The following PAIP1 variants were observed in gnomAD, a reference collection of about 807,000 sequenced individuals.
PAIP1 encodes polyadenylate-binding protein-interacting protein 1.
A neutral mutation model predicts 61.3 loss-of-function variants in PAIP1; 16 were observed. That is an observed-to-expected ratio of 0.26 (90% CI 0.18 to 0.40). PAIP1 has a LOEUF of 0.40. PAIP1 is among the 10% of genes least tolerant of loss of function. The probability of loss-of-function intolerance (pLI) is 1.00; values close to 1 mark genes in which losing one functional copy is unlikely to be tolerated. For missense variants in PAIP1, 416 were observed against 600.9 expected (o/e 0.69, Z 3.22); for synonymous variants, 187 against 226.2 (o/e 0.83, Z 1.56).
chr5:43,557,137 AGCGGCCCCCT>A (rs1748133053), upstream of PAIP1: 2 of 361,240 alleles, frequency 5.5e-6, no homozygotes, highest in Non-Finnish European at 9.1e-6. Context: ...GGCGGGTCAC[AGCGGCCCCCT>A]GCGGCCCGGA....
rs776154087 is a variant in PAIP1 at position 43,534,893 on chromosome 5, T to C, written c.1157A>G (p.Tyr386Cys). 2 of 1,602,172 alleles carry C rather than the reference T, an allele frequency of 1.2e-6. No homozygotes were observed. The highest frequency in any genetic ancestry group is 2.2e-5 in the East Asian group (1 of 44,820). The change falls in exon 8 of 11, where the codon TAT (tyrosine) becomes TGT (cysteine). Residue 386 changes from tyrosine to cysteine, a missense_variant. By Grantham distance (194) the Tyr-to-Cys change is radical. Around this residue, in one of 4 missense-constraint regions of PAIP1, gnomAD observed 135 missense variants for 283.9 expected, o/e 0.48. Transcript: ENST00000306846. ...ATCATTTTCTGGTGTTGCTTCTCTA[T>C]ATGTTGAAGTTGCATGGACTCTGCC... ...NWGRVHATST[Y>C]REATPENDPN...
At chr5:43,532,500 T>C (rs976331505) in intron 9 of PAIP1, among the ~76,000 whole-genome samples, 1 of 152,170 alleles carries the variant, frequency 6.6e-6, no homozygotes, top group Non-Finnish European at 1.5e-5. Context: ...TCATCCTATA[T>C]AAAAATTGCA....
chr5:43,540,362 C>T (rs1054838662), intron 4 of PAIP1, among the ~76,000 whole-genome samples: 3 of 150,410 alleles, frequency 2.0e-5, no homozygotes, highest in East Asian at 2.0e-4. Context: ...TCTGTTACAA[C>T]TTTGTCGGTA....
intron 2 of PAIP1, among the ~76,000 whole-genome samples, chr5:43,554,851 T>C (rs73751746): frequency 6.6e-6 from 1 of 152,218 alleles, no homozygotes; most frequent in African/African-American, 2.4e-5. Flanking sequence ...AATAAAGGCA[T>C]ACAGCCAGCA....
At chr5:43,539,339 G>C (rs1484364493) in intron 4 of PAIP1, among the ~76,000 whole-genome samples, 6 of 152,026 alleles carry the variant, frequency 3.9e-5, no homozygotes, top group Non-Finnish European at 8.8e-5. Context: ...CCAAAGAGGG[G>C]AGAGAGAGCC....
chr5:43,535,834 A>T (rs1484378230), intron 6 of PAIP1, among the ~76,000 whole-genome samples, 194 bp from the exon 7 acceptor site: 1 of 151,994 alleles, frequency 6.6e-6, no homozygotes, highest in Non-Finnish European at 1.5e-5. Flanking sequence ...GAGAGAAACT[A>T]AAACAAAAAA....
intron 4 of PAIP1, among the ~76,000 whole-genome samples, chr5:43,541,673 C>CCG: frequency 1.6e-5 from 1 of 63,498 alleles, no homozygotes; most frequent in Non-Finnish European, 3.6e-5. Context: ...GCTTTGCAAT[C>CCG]ATTAAAAGTC....
intron 5 of PAIP1, among the ~76,000 whole-genome samples, chr5:43,538,259 G>A (rs1747237146): frequency 6.6e-6 from 1 of 151,998 alleles, no homozygotes; most frequent in South Asian, 2.1e-4. Context: ...CATTTAGGGG[G>A]AATAAGTTCA....
At chr5:43,534,822 A>G (rs1207858201) in intron 8 of PAIP1, 31 bp downstream of exon 8, 1 of 1,152,952 alleles carries the variant, frequency 8.7e-7, no homozygotes, top group South Asian at 1.2e-5. Flanking sequence ...TCAAGCAATA[A>G]GTAAAACTTA....
rs1746732678 is a variant in PAIP1, at chr5:43,526,909, CAAG to C, written c.*464_*466del. ...CCAAGACTTTAGTGCTAAAGATTTT[CAAG>C]ATTATGATTCATATTTGAAATTCAA... On this transcript the variant is annotated 3_prime_UTR_variant, in exon 11 of 11. Coordinates refer to ENST00000306846, the MANE Select transcript of PAIP1 (RefSeq NM_006451.5). The C allele has an allele frequency of 6.6e-6, 1 of 150,906 alleles. No homozygotes were observed. The highest frequency in any genetic ancestry group is 1.5e-5 in the Non-Finnish European group (1 of 67,510). The allele number at this position is 150,906 out of a possible 1,614,324, so 9.3% of individuals were successfully genotyped here.
At position 43,535,778 on chromosome 5, in the gene PAIP1, C is replaced by T. The variant is rs997659516; in HGVS notation, c.973-138G>A. On this transcript the variant is annotated intron_variant, in intron 6 of 10. Coordinates refer to ENST00000306846, the MANE Select transcript of PAIP1 (RefSeq NM_006451.5). Reference sequence around the variant, plus strand: ...TAATATTCCTAATTATTCTGTCTACCATCTAATATTCAGTGATCTCTACGC... The same window carrying T: ...TAATATTCCTAATTATTCTGTCTACTATCTAATATTCAGTGATCTCTACGC... 8 of 603,040 alleles carry T rather than the reference C, an allele frequency of 1.3e-5. No homozygotes were observed. In the African/African-American group the frequency reaches 1.5e-4, roughly 11 times the overall value. 37.4% of individuals were successfully genotyped at this position (603,040 alleles called of 1,614,324 possible). A position where few individuals can be genotyped will look rare whatever the true frequency, so the allele number is the denominator to read the frequency against.
chr5:43,539,452 TACACACACACACACAC>T (rs34509892), intron 4 of PAIP1, among the ~76,000 whole-genome samples: 12 of 148,578 alleles, frequency 8.1e-5, no homozygotes, highest in African/African-American at 2.0e-4. Context: ...GATCTTTAAA[TACACACACACACACAC>T]ACACACACAC....
chr5:43,536,942 G>A lies in PAIP1; in HGVS notation c.849C>T (p.Ile283=). 6.4e-7 allele frequency: 1 copy of A among 1,563,164 alleles called. No individual in the cohort carries two copies. Among genetic ancestry groups the A allele is most frequent in the South Asian group, 1.2e-5 (1 of 82,856 alleles). ...TTGTAACCTGTCCATTTGTTCCCTT[G>A]ATCTTTCGGGACCAAAAAAAAGAAC... is the stretch of plus-strand genomic sequence containing the variant. The part of the protein sequence containing the change: ...FLGELYLNLE[I]KGTNGQVTRA... The change falls in exon 6 of 11, where the codon ATC becomes ATT. Residue 283 remains isoleucine, a splice_region_variant and synonymous_variant. Transcript: ENST00000306846.
intron 2 of PAIP1, among the ~76,000 whole-genome samples, chr5:43,553,153 G>A (rs2111600181): frequency 6.6e-6 from 1 of 152,276 alleles, no homozygotes; most frequent in Admixed American, 6.5e-5. Context: ...TAAGTGAACT[G>A]TGACAAATAT....
At chr5:43,541,225 C>A in intron 4 of PAIP1, among the ~76,000 whole-genome samples, 3 of 137,072 alleles carry the variant, frequency 2.2e-5, no homozygotes, top group Non-Finnish European at 3.1e-5. Context: ...CCCGGGTTCA[C>A]GCCATTCTCC....
intron 9 of PAIP1, among the ~76,000 whole-genome samples, chr5:43,531,763 C>T (rs1381935383): frequency 6.6e-6 from 1 of 151,442 alleles, no homozygotes; most frequent in East Asian, 1.9e-4. Flanking sequence ...AAAAGGTATT[C>T]CTTGTACAAT....
At chr5:43,549,454 G>A (rs571561255) in intron 2 of PAIP1, among the ~76,000 whole-genome samples, 3 of 151,754 alleles carry the variant, frequency 2.0e-5, no homozygotes, top group Admixed American at 6.6e-5. Context: ...TACGTCTCAC[G>A]AGATCTGATG....
rs373591933 is a variant in PAIP1, at chr5:43,550,619, C to T, written c.436-2706G>A. On this transcript the variant is annotated intron_variant, in intron 2 of 10. Coordinates refer to ENST00000306846, the MANE Select transcript of PAIP1 (RefSeq NM_006451.5). Reference sequence around the variant, plus strand: ...ATTTTGAGGTAAGCATCACTATCCTCCCTGCATAGAAGAAACAGGCACAGA... The same window carrying T: ...ATTTTGAGGTAAGCATCACTATCCTTCCTGCATAGAAGAAACAGGCACAGA... Among the ~76,000 whole-genome samples the T allele has an allele frequency of 1.9e-4, 29 of 152,092 alleles. No homozygotes were observed. In the South Asian group the frequency reaches 5.6e-3, roughly 29 times the overall value.
chr5:43,550,837 CA>C (rs373730839), intron 2 of PAIP1, among the ~76,000 whole-genome samples: 12,132 of 49,276 alleles, frequency 0.25, 380 homozygotes, highest in South Asian at 0.38. Flanking sequence ...AAATATACTA[CA>C]AAAAAAAAAA....
Sources: gnomAD v4.1 joint callset for allele counts (sites outside exome capture counted in the v4.1 genomes callset) on GRCh38, gnomAD v4.1.1 for gene constraint, gnomAD v4.1.1 regional missense constraint, MANE v1.5 for transcripts, NCBI Gene and HGNC (gene_info 2026-07-23, HGNC 2026-07-21) for gene names.